Variants in WASL observed in about 807,000 individuals in gnomAD.
WASL encodes the protein WASP like actin nucleation promoting factor.
WASL carries 20 observed loss-of-function variants against 55.5 expected under a neutral mutation model. The observed-to-expected ratio is 0.36, with a 90% CI of 0.25 to 0.52. The LOEUF is 0.52. WASL is among the 20% of genes least tolerant of loss of function. WASL has a pLI of 0.92. For missense variants in WASL, 504 were observed against 622.5 expected, an observed-to-expected ratio of 0.81 and a Z score of 2.03; for synonymous variants, 249 against 217.6, an observed-to-expected ratio of 1.14 and a Z score of -1.27.
chr7:123,683,702 G>C lies in WASL; in HGVS notation c.*817C>G, dbSNP rs1803239313. ...CCATAATATTACCTCAGTTCATGTAGAATGAAAACTACTCCCTAAATCCCT... is the reference window on the plus strand; with the variant it reads ...CCATAATATTACCTCAGTTCATGTACAATGAAAACTACTCCCTAAATCCCT... On this transcript the variant is annotated 3_prime_UTR_variant, in exon 11 of 11. Transcript: ENST00000223023. 1 of 151,864 alleles carries C rather than the reference G, an allele frequency of 6.6e-6. No homozygotes were observed. Among genetic ancestry groups the C allele is most frequent in the African/African-American group, 2.4e-5 (1 of 41,358 alleles). 9.4% of individuals were successfully genotyped at this position (151,864 alleles called of 1,614,324 possible).
intron 1 of WASL, among the ~76,000 whole-genome samples, chr7:123,727,353 T>TCACACACACACACA (rs150375537): frequency 0.012 from 1,836 of 147,772 alleles, 14 homozygotes; most frequent in African/African-American, 0.02. Flanking sequence ...AAAATATGTG[T>TCACACACACACACA]CACACACACA....
intron 1 of WASL, among the ~76,000 whole-genome samples, chr7:123,725,452 C>T (rs944424713): frequency 6.6e-6 from 1 of 151,950 alleles, no homozygotes; most frequent in African/African-American, 2.4e-5. Flanking sequence ...TGTAATTTTA[C>T]ACAGAATTTA....
intron 1 of WASL, among the ~76,000 whole-genome samples, chr7:123,715,623 C>T (rs1304360518): frequency 6.6e-6 from 1 of 152,264 alleles, no homozygotes; most frequent in South Asian, 2.1e-4. Context: ...TTAGACCTCA[C>T]CTTCATTATC....
chr7:123,741,100 C>A (rs1337164861), intron 1 of WASL, among the ~76,000 whole-genome samples: 1 of 151,856 alleles, frequency 6.6e-6, no homozygotes, highest in Non-Finnish European at 1.5e-5. Context: ...ATGAGTGCAC[C>A]CTGCGATGGG....
At chr7:123,714,927 T>C (rs1562961809) in intron 1 of WASL, among the ~76,000 whole-genome samples, 1 of 152,274 alleles carries the variant, frequency 6.6e-6, no homozygotes, top group East Asian at 1.9e-4. Flanking sequence ...AATGGCATTC[T>C]AAGTAGACTC....
intron 5 of WASL, among the ~76,000 whole-genome samples, 195 bp from the exon 6 acceptor site, chr7:123,696,942 G>C (rs775211254): frequency 6.6e-6 from 1 of 151,546 alleles, no homozygotes; most frequent in African/African-American, 2.4e-5. Flanking sequence ...AATGAGTGTA[G>C]ATGCACTATT....
intron 1 of WASL, among the ~76,000 whole-genome samples, chr7:123,744,916 C>T (rs767985090): frequency 2.0e-5 from 3 of 152,080 alleles, no homozygotes; most frequent in Non-Finnish European, 2.9e-5. Context: ...TGTAAAAGTA[C>T]ATATCATGTA....
At chr7:123,699,812 ATGAATATATTAT>A (rs1193040814) in intron 5 of WASL, among the ~76,000 whole-genome samples, 1 of 152,230 alleles carries the variant, frequency 6.6e-6, no homozygotes, top group Non-Finnish European at 1.5e-5. Flanking sequence ...AAAATCAGGC[ATGAATATATTAT>A]TATGCATCAA....
chr7:123,701,234 G>A (rs1044883474), intron 5 of WASL, among the ~76,000 whole-genome samples: 2 of 152,066 alleles, frequency 1.3e-5, no homozygotes, highest in Non-Finnish European at 1.5e-5. Flanking sequence ...TAATGAAGGC[G>A]GGCTGTTTTC....
intron 1 of WASL, among the ~76,000 whole-genome samples, chr7:123,728,651 C>T (rs1257165563): frequency 6.6e-6 from 1 of 152,072 alleles, no homozygotes; most frequent in East Asian, 1.9e-4. Context: ...ACCAGCCTGT[C>T]CAACACAGTG....
chr7:123,702,738 G>A lies in WASL; in HGVS notation c.460+1896C>T, dbSNP rs118151502. Among the ~76,000 whole-genome samples, 539 of 152,288 alleles carry A rather than the reference G, an allele frequency of 3.5e-3. 1 individual carries two copies. Among genetic ancestry groups the A allele is most frequent in the Non-Finnish European group, 5.8e-3 (393 of 68,012 alleles). ...TAGGTATTATGAGTACTCTACAGAG[G>A]ATTTAAAGCATATAGGAGAATCTGT... On this transcript the variant is annotated intron_variant, in intron 5 of 10. Transcript: ENST00000223023.
chr7:123,748,348 C>A lies in WASL; in HGVS notation c.117+270G>T, dbSNP rs532528904. 9.9e-5 allele frequency among the ~76,000 whole-genome samples: 15 copies of A among 152,260 alleles called. No homozygotes were observed. In the South Asian group the frequency reaches 3.1e-3, roughly 32 times the overall value. ...AAAGTTTTAACCAGCAGCAAGGGCG[C>A]GGGCCGAGGCCCGGCCAGGCTGGAG... On this transcript the variant is annotated intron_variant, in intron 1 of 10. Transcript: ENST00000223023.
At chr7:123,737,753 A>T (rs1804262432) in intron 1 of WASL, among the ~76,000 whole-genome samples, 1 of 152,170 alleles carries the variant, frequency 6.6e-6, no homozygotes, top group Non-Finnish European at 1.5e-5. Flanking sequence ...TTAAATGTTC[A>T]AAATAAAACC....
intron 1 of WASL, among the ~76,000 whole-genome samples, chr7:123,744,950 A>C (rs1175823273): frequency 1.3e-5 from 2 of 152,182 alleles, no homozygotes; most frequent in Non-Finnish European, 2.9e-5. Context: ...ATGAAATCTC[A>C]ATTTCCACAA....
chr7:123,728,779 T>C (rs986133989), intron 1 of WASL, among the ~76,000 whole-genome samples: 7 of 145,314 alleles, frequency 4.8e-5, no homozygotes, highest in Non-Finnish European at 3.0e-5. Context: ...GAGTTTGCAG[T>C]GAGCTGAACT....
rs1449977236 is a variant in WASL at position 123,692,879 on chromosome 7, A to C, written c.827-12T>G. ...TGGAGGTGGTGGTGCTGAAATGCAA[A>C]CAGAAAAAAAGAAGGCATGCTTTTT... On this transcript the variant is annotated splice_polypyrimidine_tract_variant and intron_variant, in intron 8 of 10. Coordinates refer to ENST00000223023, the MANE Select transcript of WASL (RefSeq NM_003941.4). 3 of 1,348,792 alleles carry C rather than the reference A, an allele frequency of 2.2e-6. No individual in the cohort carries two copies. Among genetic ancestry groups the C allele is most frequent in the Non-Finnish European group, 2.9e-6 (3 of 1,046,948 alleles). The allele number at this position is 1,348,792 out of a possible 1,614,324, so 83.6% of individuals were successfully genotyped here. A position where few individuals can be genotyped will look rare whatever the true frequency, so the allele number is the denominator to read the frequency against.
At chr7:123,723,223 G>T (rs1162754202) in intron 1 of WASL, among the ~76,000 whole-genome samples, 1 of 152,042 alleles carries the variant, frequency 6.6e-6, no homozygotes, top group Admixed American at 6.6e-5. Context: ...ATCATTTTAA[G>T]GCTCTATTAC....
chr7:123,711,106 C>T (rs896473266), intron 1 of WASL, among the ~76,000 whole-genome samples: 18 of 152,072 alleles, frequency 1.2e-4, no homozygotes, highest in African/African-American at 4.1e-4. Flanking sequence ...TCGCTTTTTA[C>T]CAGAAATCAA....
intron 5 of WASL, among the ~76,000 whole-genome samples, chr7:123,703,093 G>A (rs1481154821): frequency 6.6e-6 from 1 of 152,168 alleles, no homozygotes; most frequent in Non-Finnish European, 1.5e-5. Flanking sequence ...GTTCACAGAT[G>A]AGCAACCTGT....
Sources: allele counts gnomAD v4.1 joint callset (sites outside exome capture counted in the v4.1 genomes callset), GRCh38; gene constraint gnomAD v4.1.1; transcripts MANE v1.5; gene names NCBI Gene and HGNC (gene_info 2026-07-23, HGNC 2026-07-21).